The following FAM200B variants were observed in gnomAD, a reference collection of about 807,000 sequenced individuals.
The protein encoded by FAM200B is protein FAM200B.
Under a neutral mutation model 33.1 loss-of-function variants are expected in FAM200B, and 32 were observed. That is an observed-to-expected ratio of 0.97 (90% CI 0.73 to 1.30). The LOEUF (loss-of-function observed/expected upper bound fraction) is 1.30. Among genes scored for constraint, FAM200B ranks in the 50% most tolerant of loss-of-function variants. The pLI, the probability that FAM200B is intolerant of heterozygous loss-of-function variation, is 0.00. For synonymous variants in FAM200B, 240 were observed against 264.8 expected (o/e 0.91, Z 0.91); for missense variants, 741 against 754.0 (o/e 0.98, Z 0.20).
chr4:15,650,661 CTTTTTTTTTT>C, the FAM200B span, among the ~76,000 whole-genome samples: 3 of 77,912 alleles, frequency 3.9e-5, no homozygotes, highest in South Asian at 5.5e-4. Flanking sequence ...AACTGACTTT[CTTTTTTTTTT>C]TTTTTTTTTT....
the FAM200B span, among the ~76,000 whole-genome samples, chr4:15,653,769 G>A: frequency 1.3e-5 from 2 of 152,112 alleles, no homozygotes; most frequent in African/African-American, 4.8e-5. Context: ...TTGCTTAATG[G>A]CTTAACCATT....
At chr4:15,680,546 G>A (rs1487761278), upstream of FAM200B, among the ~76,000 whole-genome samples, 1 of 151,968 alleles carries the variant, frequency 6.6e-6, no homozygotes, top group East Asian at 1.9e-4. Flanking sequence ...GCATGGTGGC[G>A]GTCGCCTGTA....
the FAM200B span, chr4:15,656,252 C>A: frequency 2.2e-6 from 1 of 456,216 alleles, no homozygotes; most frequent in South Asian, 1.5e-5. Flanking sequence ...TGCCTCTTTC[C>A]CATAAATCGC....
chr4:15,680,983 C>G (rs1275541404), upstream of FAM200B, among the ~76,000 whole-genome samples: 1 of 136,082 alleles, frequency 7.3e-6, no homozygotes, highest in Non-Finnish European at 1.6e-5. Context: ...ATATATATCT[C>G]AACCACAAAA....
rs758103368 is a variant in FAM200B at position 15,687,319 on chromosome 4, T to TA, written c.343dup (p.Ile115AsnfsTer2). ...ACTTAGAAACTCAGCATGCTGAACTTATTGATAAGCCTCTTGAATATTTTC... is the reference window on the plus strand; with the variant it reads ...ACTTAGAAACTCAGCATGCTGAACTTAATTGATAAGCCTCTTGAATATTTTC... On this transcript the variant is annotated frameshift_variant, in exon 2 of 2. Transcript: ENST00000422728. LOFTEE classifies it high-confidence loss of function. 1 of 1,546,054 alleles carries TA rather than the reference T, an allele frequency of 6.5e-7. No homozygotes were observed. The highest frequency in any genetic ancestry group is 1.2e-5 in the South Asian group (1 of 82,886).
At chr4:15,648,437 T>C in the FAM200B span, among the ~76,000 whole-genome samples, 1 of 152,216 alleles carries the variant, frequency 6.6e-6, no homozygotes. Flanking sequence ...CACTCCCATG[T>C]TCAATGCAGC....
chr4:15,655,182 G>C, the FAM200B span: 14 of 1,375,088 alleles, frequency 1.0e-5, no homozygotes, highest in East Asian at 3.4e-5. Flanking sequence ...CGCCCACAGC[G>C]GGAGGCTCAG....
the FAM200B span, among the ~76,000 whole-genome samples, chr4:15,656,787 G>A: frequency 5.9e-5 from 9 of 151,362 alleles, no homozygotes; most frequent in African/African-American, 2.2e-4. Flanking sequence ...TATATTTGAA[G>A]CACTTATAAC....
upstream of FAM200B, chr4:15,681,762 G>C (rs1005734451): frequency 6.5e-6 from 1 of 152,900 alleles, no homozygotes; most frequent in Non-Finnish European, 1.5e-5. Context: ...AGTTCTTTTC[G>C]GCTGGAATGG....
chr4:15,662,021 G>C, the FAM200B span, among the ~76,000 whole-genome samples: 5 of 152,240 alleles, frequency 3.3e-5, no homozygotes, highest in Non-Finnish European at 7.3e-5. Flanking sequence ...CCAATAAAGA[G>C]AGAGAGCAAA....
the FAM200B span, among the ~76,000 whole-genome samples, chr4:15,670,286 G>A: frequency 6.6e-6 from 1 of 152,198 alleles, no homozygotes; most frequent in Admixed American, 6.5e-5. Flanking sequence ...CCTAGGAGTA[G>A]AAAGGCTAGA....
At chr4:15,664,550 CTTTTTTTTT>C in the FAM200B span, among the ~76,000 whole-genome samples, 1 of 75,522 alleles carries the variant, frequency 1.3e-5, no homozygotes, top group Non-Finnish European at 2.3e-5. Context: ...GGCCCTCATC[CTTTTTTTTT>C]TTTTTTTTTT....
intron 1 of FAM200B, among the ~76,000 whole-genome samples, chr4:15,683,962 C>G (rs1208123467): frequency 6.6e-6 from 1 of 152,186 alleles, no homozygotes; most frequent in African/African-American, 2.4e-5. Context: ...AAATCACTTA[C>G]CTAAAACCAT....
At chr4:15,646,791 C>T in the FAM200B span, among the ~76,000 whole-genome samples, 3 of 150,348 alleles carry the variant, frequency 2.0e-5, no homozygotes, top group African/African-American at 7.3e-5. Context: ...TGAGAACATG[C>T]GGTGTTTGGT....
the FAM200B span, among the ~76,000 whole-genome samples, chr4:15,662,581 C>T: frequency 6.6e-6 from 1 of 152,138 alleles, no homozygotes; most frequent in African/African-American, 2.4e-5. Flanking sequence ...GCTTAGAAAT[C>T]ACTGGTAATA....
At chr4:15,648,946 A>T in the FAM200B span, among the ~76,000 whole-genome samples, 1 of 152,186 alleles carries the variant, frequency 6.6e-6, no homozygotes. Flanking sequence ...ATGTACATGT[A>T]TATCAAAGCA....
the FAM200B span, among the ~76,000 whole-genome samples, chr4:15,651,350 T>C: frequency 6.6e-6 from 1 of 152,216 alleles, no homozygotes; most frequent in Non-Finnish European, 1.5e-5. Context: ...TAATTACTAA[T>C]TGAATGAGTT....
Position 15,687,640 on chromosome 4 carries a change from T to C in FAM200B, c.663T>C (p.Ser221=), listed in dbSNP as rs1560264602. 6 of 1,551,218 alleles carry C rather than the reference T, an allele frequency of 3.9e-6. No individual in the cohort carries two copies. Among genetic ancestry groups the C allele is most frequent in the Non-Finnish European group, 4.4e-6 (5 of 1,146,698 alleles). Residue 221 remains serine, a synonymous_variant, in exon 2 of 2, where the codon TCT becomes TCC. Transcript: ENST00000422728. ...LETMLITRLQ[S]GIDFAIQLDE... Reference sequence around the variant, plus strand: ...CAATGCTTATTACTCGTTTACAGTCTGGTATAGATTTTGCAATCCAGCTTG... The same window carrying C: ...CAATGCTTATTACTCGTTTACAGTCCGGTATAGATTTTGCAATCCAGCTTG...
At chr4:15,666,362 T>C in the FAM200B span, among the ~76,000 whole-genome samples, 1 of 152,028 alleles carries the variant, frequency 6.6e-6, no homozygotes, top group Non-Finnish European at 1.5e-5. Flanking sequence ...ATGGCGCCAC[T>C]GCACTCCAGC....
Sources: gnomAD v4.1 joint callset for allele counts (sites outside exome capture counted in the v4.1 genomes callset) on GRCh38, gnomAD v4.1.1 for gene constraint, MANE v1.5 for transcripts, NCBI Gene and HGNC (gene_info 2026-07-23, HGNC 2026-07-21) for gene names.